Variants in CLDN20 observed in about 807,000 individuals in gnomAD.
CLDN20 encodes claudin-20.
For missense variants in CLDN20, 258 were observed against 267.9 expected (o/e 0.96, Z 0.26); for synonymous variants, 104 against 103.6 (o/e 1.00, Z -0.03).
intron 1 of CLDN20, among the ~76,000 whole-genome samples, chr6:155,268,267 C>CA (rs1001498534): frequency 6.6e-6 from 1 of 152,040 alleles, no homozygotes; most frequent in African/African-American, 2.4e-5. Flanking sequence ...AATTCCACCA[C>CA]AAAAAAACAC....
chr6:155,270,138 G>A (rs1235846395), intron 1 of CLDN20, among the ~76,000 whole-genome samples: 2 of 152,170 alleles, frequency 1.3e-5, no homozygotes, highest in Admixed American at 6.5e-5. Flanking sequence ...GATCTCAGGC[G>A]GCCAAATGGA....
intron 1 of CLDN20, among the ~76,000 whole-genome samples, chr6:155,270,293 C>T (rs1043200440): frequency 1.1e-4 from 16 of 152,142 alleles, no homozygotes; most frequent in African/African-American, 3.9e-4. Flanking sequence ...CTTGGGAGTT[C>T]AGGGGAGAGG....
intron 1 of CLDN20, among the ~76,000 whole-genome samples, chr6:155,267,051 T>C (rs1452378727): frequency 6.7e-6 from 1 of 148,918 alleles, no homozygotes; most frequent in African/African-American, 2.5e-5. Flanking sequence ...CTCGGCTCAC[T>C]GCAACCTCCA....
intron 1 of CLDN20, among the ~76,000 whole-genome samples, chr6:155,265,160 G>A (rs529342773): frequency 6.6e-6 from 1 of 152,284 alleles, no homozygotes; most frequent in East Asian, 1.9e-4. Context: ...GATGTGGCAG[G>A]AGCTGCCTGA....
chr6:155,264,332 T>A (rs1294216607), intron 1 of CLDN20, 44 bp downstream of exon 1: 1 of 152,188 alleles, frequency 6.6e-6, no homozygotes, highest in Non-Finnish European at 1.5e-5. Flanking sequence ...CTGATGCCTG[T>A]GATATGATAA....
intron 1 of CLDN20, among the ~76,000 whole-genome samples, chr6:155,267,259 G>A (rs1784696050): frequency 6.6e-6 from 1 of 152,222 alleles, no homozygotes; most frequent in Non-Finnish European, 1.5e-5. Flanking sequence ...ATGGGCATGA[G>A]CCACCACACC....
rs571459530 is a variant in CLDN20, at chr6:155,269,510, C to A, written c.-105+5222C>A. Among the ~76,000 whole-genome samples the A allele has an allele frequency of 3.4e-3, 517 of 151,888 alleles. 3 individuals are homozygous for A. The highest frequency in any genetic ancestry group is 5.9e-3 in the Non-Finnish European group (404 of 67,914). Reference sequence around the variant, plus strand: ...CTAATTTTTGTATTTTTAGTAGAGGCAAGGTTTCACCATGTTGGCCAGGCT... The same window carrying A: ...CTAATTTTTGTATTTTTAGTAGAGGAAAGGTTTCACCATGTTGGCCAGGCT... On this transcript the variant is annotated intron_variant, in intron 1 of 1. Transcript: ENST00000367165.
Position 155,276,152 on chromosome 6 carries a change from G to C in CLDN20, c.433G>C (p.Ala145Pro), listed in dbSNP as rs773784666. The change falls in exon 2 of 2, where the codon GCA becomes CCA. Residue 145 changes from alanine to proline, a missense_variant. Physicochemically the swap from Ala to Pro is conservative, Grantham distance 27. Coordinates refer to ENST00000367165, the MANE Select transcript of CLDN20 (RefSeq NM_001001346.3). Reference sequence around the variant, plus strand: ...AGTGTGGTACACAAAGGAGATCATAGCAAACTTTCTGGATCTGACAGTTCC... The same window carrying C: ...AGTGTGGTACACAAAGGAGATCATACCAAACTTTCTGGATCTGACAGTTCC... ...STVWYTKEII[A>P]NFLDLTVPES... 6.2e-7 allele frequency: 1 copy of C among 1,614,170 alleles called. No individual in the cohort carries two copies. The highest frequency in any genetic ancestry group is 1.3e-5 in the African/African-American group (1 of 75,036).
chr6:155,272,706 T>C (rs1235963724), intron 1 of CLDN20, among the ~76,000 whole-genome samples: 2 of 152,078 alleles, frequency 1.3e-5, no homozygotes, highest in African/African-American at 2.4e-5. Flanking sequence ...TCTTTCTACA[T>C]AAGTTCTCTA....
intron 1 of CLDN20, among the ~76,000 whole-genome samples, chr6:155,266,285 TAA>T (rs1450261367): frequency 6.6e-6 from 1 of 152,150 alleles, no homozygotes; most frequent in African/African-American, 2.4e-5. Flanking sequence ...GAAAATTAAA[TAA>T]AAGCCACTGG....
At chr6:155,265,699 T>C (rs963824537) in intron 1 of CLDN20, among the ~76,000 whole-genome samples, 2 of 146,342 alleles carry the variant, frequency 1.4e-5, no homozygotes, top group African/African-American at 5.0e-5. Flanking sequence ...TTATTAAATA[T>C]AAATATTAAA....
chr6:155,268,921 C>A (rs1405749378), intron 1 of CLDN20, among the ~76,000 whole-genome samples: 2 of 131,178 alleles, frequency 1.5e-5, no homozygotes, highest in Admixed American at 1.7e-4. Flanking sequence ...TCCCCCTCTG[C>A]GAGAAACACC....
chr6:155,273,567 G>A (rs1238605687), intron 1 of CLDN20, among the ~76,000 whole-genome samples: 1 of 152,128 alleles, frequency 6.6e-6, no homozygotes, highest in African/African-American at 2.4e-5. Flanking sequence ...TTTCCTTGGT[G>A]GGGAGGGGAG....
rs1009963769 is a variant in CLDN20 at position 155,276,107 on chromosome 6, A to G, written c.388A>G (p.Ile130Val). The G allele has an allele frequency of 1.2e-6, 2 of 1,614,034 alleles. No individual in the cohort carries two copies. Among genetic ancestry groups the G allele is most frequent in the African/African-American group, 1.3e-5 (1 of 74,900 alleles). ...AGGVCFMSAGISSLISTVWYT... is the reference protein window; with the variant it reads ...AGGVCFMSAGVSSLISTVWYT... ...AGGAGTCTGTTTCATGTCTGCAGGA[A>G]TCTCTAGTTTAATCTCGACAGTGTG... Residue 130 changes from isoleucine (I) to valine (V), a missense_variant, in exon 2 of 2, where the codon ATC (isoleucine) becomes GTC (valine). Physicochemically the swap from Ile to Val is conservative, Grantham distance 29 (BLOSUM62 3). Coordinates refer to ENST00000367165, the MANE Select transcript of CLDN20 (RefSeq NM_001001346.3).
chr6:155,268,990 A>AC (rs1442850118), intron 1 of CLDN20, among the ~76,000 whole-genome samples: 3 of 150,798 alleles, frequency 2.0e-5, no homozygotes, highest in African/African-American at 7.3e-5. Flanking sequence ...AAAAATTAAA[A>AC]AAAAAAAAAA....
chr6:155,266,723 T>C (rs1422074070), intron 1 of CLDN20, among the ~76,000 whole-genome samples: 2 of 151,736 alleles, frequency 1.3e-5, no homozygotes, highest in Non-Finnish European at 2.9e-5. Flanking sequence ...GGCGGCCGCC[T>C]GTAGTCCCCG....
intron 1 of CLDN20, among the ~76,000 whole-genome samples, chr6:155,268,658 G>A (rs1042979852): frequency 6.6e-6 from 1 of 151,928 alleles, no homozygotes. Context: ...CCCCCAACCC[G>A]GTGCTCTCTG....
intron 1 of CLDN20, among the ~76,000 whole-genome samples, chr6:155,265,829 T>TC (rs952442567): frequency 1.3e-5 from 2 of 150,426 alleles, no homozygotes; most frequent in African/African-American, 4.9e-5. Context: ...ACTCACATGA[T>TC]CACAAGGTCC....
intron 1 of CLDN20, among the ~76,000 whole-genome samples, chr6:155,265,462 G>A (rs76637693): frequency 0.07 from 10,679 of 151,480 alleles, 499 homozygotes; most frequent in East Asian, 0.18. Context: ...CAGTACATTC[G>A]TATATTCATA....
Sources: gnomAD v4.1 joint callset for allele counts (sites outside exome capture counted in the v4.1 genomes callset) on GRCh38, gnomAD v4.1.1 for gene constraint, MANE v1.5 for transcripts, NCBI Gene and HGNC (gene_info 2026-07-23, HGNC 2026-07-21) for gene names.